Variants in VSTM1 observed in about 807,000 individuals in gnomAD.
VSTM1 encodes the protein V-set and transmembrane domain-containing protein 1.
VSTM1 carries 27 observed loss-of-function variants against 33.1 expected under a neutral mutation model. The ratio of observed to expected loss-of-function variants is 0.82; its 90% confidence interval spans 0.60 to 1.12. The LOEUF (loss-of-function observed/expected upper bound fraction) is 1.12, where lower values mean the gene tolerates loss of function less well. VSTM1 is among the 50% of genes most tolerant of loss of function. The pLI is 0.00. For missense variants in VSTM1, 304 were observed against 288.9 expected, an observed-to-expected ratio of 1.05 and a Z score of -0.38; for synonymous variants, 115 against 110.3, an observed-to-expected ratio of 1.04 and a Z score of -0.27.
intron 3 of VSTM1, among the ~76,000 whole-genome samples, chr19:54,051,952 G>A (rs1238924451): frequency 6.6e-6 from 1 of 151,848 alleles, no homozygotes; most frequent in Non-Finnish European, 1.5e-5. Flanking sequence ...GTAGAGACAG[G>A]GTTTCACCAT....
intron 4 of VSTM1, 29 bp from the exon 5 acceptor site, chr19:54,042,398 C>T (rs2070335353): frequency 1.2e-6 from 2 of 1,606,518 alleles, no homozygotes; most frequent in Middle Eastern, 2.0e-4. Flanking sequence ...GTCAGGGAAT[C>T]AGCCTGGCTC....
intron 4 of VSTM1, among the ~76,000 whole-genome samples, chr19:54,043,652 T>C (rs1429362854): frequency 2.0e-5 from 3 of 152,134 alleles, no homozygotes; most frequent in Admixed American, 1.3e-4. Context: ...CCTCAGGCAA[T>C]CTGCCTGCCT....
At chr19:54,062,868 G>C (rs778486982) in intron 1 of VSTM1, among the ~76,000 whole-genome samples, 2 of 152,172 alleles carry the variant, frequency 1.3e-5, no homozygotes, top group Non-Finnish European at 2.9e-5. Flanking sequence ...GTGCACCAGG[G>C]AGGAACTGGG....
intron 3 of VSTM1, among the ~76,000 whole-genome samples, chr19:54,052,402 AAAAAAT>A (rs2070899733): frequency 7.1e-6 from 1 of 140,088 alleles, no homozygotes; most frequent in African/African-American, 2.6e-5. Flanking sequence ...CGTCTCAAAA[AAAAAAT>A]AAAAATAAAA....
At chr19:54,047,163 C>T (rs1025341398) in intron 4 of VSTM1, among the ~76,000 whole-genome samples, 1 of 152,014 alleles carries the variant, frequency 6.6e-6, no homozygotes, top group African/African-American at 2.4e-5. Context: ...CCATTGCACT[C>T]CAGCCTGGGC....
At position 54,058,698 on chromosome 19, in the gene VSTM1, A is replaced by G; in HGVS notation, c.69T>C (p.Asn23=). The G allele has an allele frequency of 1.2e-6, 2 of 1,613,996 alleles. No homozygotes were observed. The highest frequency in any genetic ancestry group is 1.7e-6 in the Non-Finnish European group (2 of 1,179,994). ...LCLGYEDEKK[N]EKPPKPSLHA... is the part of the protein sequence containing the mutation. Reference sequence around the variant, plus strand: ...AAGTTTAAGTAGGAGAAAACTCACCATTCTTTTTCTCATCTTCGTAGCCCA... The same window carrying G: ...AAGTTTAAGTAGGAGAAAACTCACCGTTCTTTTTCTCATCTTCGTAGCCCA... Residue 23 remains asparagine, a splice_region_variant and synonymous_variant, in exon 2 of 9, where the codon AAT becomes AAC. Transcript: ENST00000338372.
chr19:54,052,329 C>T (rs1312389065), intron 3 of VSTM1, among the ~76,000 whole-genome samples: 2,883 of 114,362 alleles, frequency 0.025, 48 homozygotes, highest in Non-Finnish European at 0.027. Flanking sequence ...ACCCGGGAGG[C>T]GGAGCTTGCA....
Position 54,058,371 on chromosome 19 carries a change from G to C in VSTM1, c.290C>G (p.Ala97Gly). The C allele has an allele frequency of 6.2e-7, 1 of 1,614,100 alleles. No homozygotes were observed. The highest frequency in any genetic ancestry group is 8.5e-7 in the Non-Finnish European group (1 of 1,180,032). The change falls in exon 3 of 9, where the codon GCC (alanine) becomes GGC (glycine). Residue 97 changes from alanine to glycine, a missense_variant. Physicochemically the swap from Ala to Gly is moderately conservative, Grantham distance 60. Coordinates refer to ENST00000338372, the MANE Select transcript of VSTM1 (RefSeq NM_198481.4). ...KPKDAGRYFC[A>G]YKTTASHEWS... ...CTCATGGGAGGCTGTTGTCTTGTAG[G>C]CACAAAAGTACCTCCCAGCATCCTT...
chr19:54,062,445 G>A (rs1442268888), intron 1 of VSTM1, among the ~76,000 whole-genome samples: 1 of 152,066 alleles, frequency 6.6e-6, no homozygotes, highest in Non-Finnish European at 1.5e-5. Context: ...ACAAATAGCC[G>A]GGTGCAGTGG....
At chr19:54,056,624 C>T (rs56779878) in intron 3 of VSTM1, among the ~76,000 whole-genome samples, 28,420 of 139,006 alleles carry the variant, frequency 0.2, 6,441 homozygotes, top group East Asian at 0.3. Context: ...CCACATACTC[C>T]CCCCAGTATA....
intron 4 of VSTM1, among the ~76,000 whole-genome samples, chr19:54,045,485 T>C (rs1028710188): frequency 2.0e-5 from 3 of 152,008 alleles, no homozygotes; most frequent in Non-Finnish European, 1.5e-5. Flanking sequence ...ATCCACCTGC[T>C]TACCTGCTGT....
intron 3 of VSTM1, among the ~76,000 whole-genome samples, chr19:54,054,887 T>G (rs2071018597): frequency 7.9e-6 from 1 of 126,446 alleles, no homozygotes; most frequent in African/African-American, 3.0e-5. Flanking sequence ...ATGGATGAGT[T>G]GATGGATAGA....
At chr19:54,058,253 C>G in intron 3 of VSTM1, 53 bp downstream of exon 3, 1 of 1,206,382 alleles carries the variant, frequency 8.3e-7, no homozygotes, top group Non-Finnish European at 1.1e-6. Flanking sequence ...AAAAAAAAAG[C>G]AAAGCCAAAC....
chr19:54,048,027 C>T (rs1341650450), intron 4 of VSTM1, among the ~76,000 whole-genome samples: 3 of 152,128 alleles, frequency 2.0e-5, no homozygotes, highest in Admixed American at 6.6e-5. Flanking sequence ...CTCTACATTG[C>T]GATTGAACAT....
At chr19:54,058,864 TAATA>T in intron 1 of VSTM1, 132 bp from the exon 2 acceptor site, 1 of 393,620 alleles carries the variant, frequency 2.5e-6, no homozygotes, top group Non-Finnish European at 4.3e-6. Context: ...GTATTATATA[TAATA>T]AATGTATTAA....
intron 4 of VSTM1, among the ~76,000 whole-genome samples, chr19:54,045,459 C>T (rs73607337): frequency 0.021 from 3,135 of 152,162 alleles, 113 homozygotes; most frequent in African/African-American, 0.071. Context: ...ATCTATGTAT[C>T]TATCTTTATC....
In VSTM1 at chr19:54,041,958, AAG is replaced by A. The variant is rs750879691; in HGVS notation, c.516-7_516-6del. The stretch of plus-strand genomic sequence containing the variant: ...GGAAGTTTGGAATGGCTGGTTCTGA[AAG>A]AGAGAGACACACGTGAAAGGATGGG... On this transcript the variant is annotated splice_polypyrimidine_tract_variant and splice_region_variant and intron_variant, in intron 6 of 8. Coordinates refer to ENST00000338372, the MANE Select transcript of VSTM1 (RefSeq NM_198481.4). 2.5e-6 allele frequency: 4 copies of A among 1,614,094 alleles called. No homozygotes were observed. Among genetic ancestry groups the A allele is most frequent in the Admixed American group, 1.7e-5 (1 of 60,008 alleles).
chr19:54,041,774 C>G lies in VSTM1; in HGVS notation c.591+5G>C. Reference sequence around the variant, plus strand: ...CTTGTGGGACTCCTAAGCGGGAGGACTCACCGAGAGAGATACCCTTTCCAT... The same window carrying G: ...CTTGTGGGACTCCTAAGCGGGAGGAGTCACCGAGAGAGATACCCTTTCCAT... On this transcript the variant is annotated splice_donor_5th_base_variant and intron_variant, in intron 8 of 8. Coordinates refer to ENST00000338372, the MANE Select transcript of VSTM1 (RefSeq NM_198481.4). 6.2e-7 allele frequency: 1 copy of G among 1,612,574 alleles called. No homozygotes were observed. Among genetic ancestry groups the G allele is most frequent in the Non-Finnish European group, 8.5e-7 (1 of 1,179,648 alleles).
At chr19:54,051,381 G>A (rs2070834534) in intron 4 of VSTM1, 29 bp downstream of exon 4, 2 of 1,587,524 alleles carry the variant, frequency 1.3e-6, no homozygotes, top group African/African-American at 1.4e-5. Flanking sequence ...ATCTCATTGG[G>A]AAAAACATCT....
Sources: gnomAD v4.1 joint callset for allele counts (sites outside exome capture counted in the v4.1 genomes callset) on GRCh38, gnomAD v4.1.1 for gene constraint, MANE v1.5 for transcripts, NCBI Gene and HGNC (gene_info 2026-07-23, HGNC 2026-07-21) for gene names.